The following OTC variants were observed in gnomAD, a reference collection of about 807,000 sequenced individuals.
The protein encoded by OTC is ornithine transcarbamylase, also known as ornithine transcarbamylase, mitochondrial.
Under a neutral mutation model 30.3 loss-of-function variants are expected in OTC, and 3 were observed. The observed-to-expected ratio is 0.10, with a 90% CI of 0.05 to 0.26. OTC has a LOEUF of 0.26. Among genes scored for constraint, OTC ranks in the 10% least tolerant of loss-of-function variants. The probability of loss-of-function intolerance (pLI) is 1.00; values close to 1 mark genes in which losing one functional copy is unlikely to be tolerated. For missense variants in OTC, 194 were observed against 260.3 expected, an observed-to-expected ratio of 0.75 and a Z score of 1.75; for synonymous variants, 111 against 99.7, an observed-to-expected ratio of 1.11 and a Z score of -0.67.
chrX:38,392,041 C>T (rs1054583906), intron 4 of OTC, among the ~76,000 whole-genome samples: 1 of 111,721 alleles, frequency 9.0e-6, no homozygotes, highest in Non-Finnish European at 1.9e-5. Flanking sequence ...TTTTTCTAAA[C>T]AGTAGGAAAA....
Position 38,367,186 on chromosome X carries a change from AAAG to A in OTC, c.78-102_78-100del, listed in dbSNP as rs1308436228. 40 of 698,653 alleles carry A rather than the reference AAAG, an allele frequency of 5.7e-5. No individual in the cohort carries two copies. In the African/African-American group the frequency reaches 6.3e-4, roughly 11 times the overall value. 57.6% of individuals were successfully genotyped at this position (698,653 alleles called of 1,213,427 possible). On this transcript the variant is annotated intron_variant, in intron 1 of 9. Transcript: ENST00000039007. ...TGAGAACCTGTCTCAAAAAAAAAAA[AAAG>A]AAAAGAAAAGAATGCCTTATCAACA...
the OTC span, among the ~76,000 whole-genome samples, chrX:38,340,639 T>C: frequency 9.1e-6 from 1 of 110,253 alleles, no homozygotes; most frequent in Non-Finnish European, 1.9e-5. Context: ...TAAAACATTA[T>C]GAAACAAATA....
chrX:38,333,076 G>A, the OTC span, among the ~76,000 whole-genome samples: 4 of 109,242 alleles, frequency 3.7e-5, 1 homozygote, highest in South Asian at 1.2e-3. Context: ...TTAGCCAGGC[G>A]TGGTGGTGGG....
downstream of OTC, among the ~76,000 whole-genome samples, chrX:38,422,266 A>G (rs908747841): frequency 1.8e-5 from 2 of 112,289 alleles, no homozygotes; most frequent in Non-Finnish European, 3.8e-5. Flanking sequence ...AAGGTGCAAT[A>G]AAACATTTTT....
At chrX:38,340,871 A>C in the OTC span, among the ~76,000 whole-genome samples, 1 of 109,591 alleles carries the variant, frequency 9.1e-6, no homozygotes, top group East Asian at 2.9e-4. Context: ...ATCTCGACTC[A>C]CTGCATCCTC....
intron 4 of OTC, among the ~76,000 whole-genome samples, chrX:38,387,734 G>C (rs1441463725): frequency 8.9e-6 from 1 of 111,819 alleles, no homozygotes; most frequent in African/African-American, 3.3e-5. Context: ...ATGAGGTAAA[G>C]TCTAGGGGAG....
intron 4 of OTC, among the ~76,000 whole-genome samples, chrX:38,397,810 A>G (rs1393917191): frequency 9.0e-6 from 1 of 111,434 alleles, no homozygotes; most frequent in East Asian, 2.8e-4. Context: ...CCTAGTCTTC[A>G]TACTGGATTA....
intron 4 of OTC, among the ~76,000 whole-genome samples, chrX:38,399,902 G>T (rs775936056): frequency 2.3e-4 from 26 of 111,319 alleles, no homozygotes; most frequent in Non-Finnish European, 4.3e-4. Context: ...AGCGCGCTTA[G>T]ATAGTTCAAA....
At chrX:38,340,685 T>C in the OTC span, among the ~76,000 whole-genome samples, 3 of 110,782 alleles carry the variant, frequency 2.7e-5, no homozygotes, top group Non-Finnish European at 5.7e-5. Flanking sequence ...GATAATATGG[T>C]TCTTTAAAGT....
chrX:38,356,194 T>C (rs766726555), intron 1 of OTC, among the ~76,000 whole-genome samples: 55 of 96,563 alleles, frequency 5.7e-4, no homozygotes, highest in African/African-American at 2.0e-3. Context: ...TTGAGTAACG[T>C]AACTTAGATA....
At chrX:38,330,413 A>C in the OTC span, among the ~76,000 whole-genome samples, 2 of 112,681 alleles carry the variant, frequency 1.8e-5, no homozygotes, top group Non-Finnish European at 1.9e-5. Flanking sequence ...TTGTGACAAC[A>C]GCAAGAGAAA....
intron 3 of OTC, chrX:38,373,456 A>G (rs933608999): frequency 5.3e-5 from 6 of 112,825 alleles, no homozygotes; most frequent in Non-Finnish European, 1.1e-4. Context: ...CAATGATAAT[A>G]TTCTTTTATA....
upstream of OTC, among the ~76,000 whole-genome samples, chrX:38,351,676 GAGCATA>G (rs2068216639): frequency 1.8e-5 from 2 of 112,344 alleles, no homozygotes; most frequent in Non-Finnish European, 3.8e-5. Flanking sequence ...GCTAGGGGAA[GAGCATA>G]TGGTATCCCC....
intron 4 of OTC, among the ~76,000 whole-genome samples, chrX:38,385,033 G>A (rs1162002576): frequency 1.8e-5 from 2 of 111,651 alleles, no homozygotes; most frequent in Admixed American, 9.5e-5. Flanking sequence ...GGGAAGCCGA[G>A]GGGCTGGGGG....
the OTC span, among the ~76,000 whole-genome samples, chrX:38,328,310 GTT>G: frequency 8.9e-6 from 1 of 112,445 alleles, no homozygotes; most frequent in Admixed American, 9.4e-5. Flanking sequence ...ACTCTTGTGT[GTT>G]ACCAACACTT....
chrX:38,339,824 T>G, the OTC span, among the ~76,000 whole-genome samples: 2 of 111,451 alleles, frequency 1.8e-5, no homozygotes, highest in African/African-American at 6.5e-5. Context: ...GAAGTTGATA[T>G]TCTAGGAGAC....
At chrX:38,388,065 C>G (rs1377398006) in intron 4 of OTC, among the ~76,000 whole-genome samples, 1 of 111,867 alleles carries the variant, frequency 8.9e-6, no homozygotes, top group African/African-American at 3.3e-5. Context: ...CACCTCAAGG[C>G]GCTATGTTAG....
intron 1 of OTC, among the ~76,000 whole-genome samples, chrX:38,353,265 C>T (rs2068226828): frequency 1.8e-5 from 2 of 112,139 alleles, no homozygotes; most frequent in Admixed American, 1.9e-4. Flanking sequence ...AGTTTGAAAA[C>T]CATCCCTGAA....
chrX:38,331,505 A>G, the OTC span, among the ~76,000 whole-genome samples: 3 of 96,905 alleles, frequency 3.1e-5, no homozygotes, highest in African/African-American at 1.2e-4. Context: ...GCTGGTCTAG[A>G]ACTCCCGACC....
Sources: gnomAD v4.1 joint callset for allele counts (sites outside exome capture counted in the v4.1 genomes callset) on GRCh38, gnomAD v4.1.1 for gene constraint, MANE v1.5 for transcripts, NCBI Gene and HGNC (gene_info 2026-07-23, HGNC 2026-07-21) for gene names.